The following CTNNA2 variants were observed in gnomAD, a reference collection of about 807,000 sequenced individuals.
CTNNA2 encodes the protein catenin alpha 2.
CTNNA2 carries 42 observed loss-of-function variants against 101.0 expected under a neutral mutation model. That is an observed-to-expected ratio of 0.42 (90% confidence interval 0.32 to 0.54). The LOEUF (loss-of-function observed/expected upper bound fraction) is 0.54, where lower values mean the gene tolerates loss of function less well. Ranked by LOEUF, CTNNA2 falls within the 20% of genes least tolerant of loss-of-function variation. The probability of loss-of-function intolerance (pLI) is 0.14; values close to 1 mark genes in which losing one functional copy is unlikely to be tolerated. For missense variants in CTNNA2, 871 were observed against 1,223.1 expected, an observed-to-expected ratio of 0.71 and a Z score of 4.29; for synonymous variants, 450 against 456.4, an observed-to-expected ratio of 0.99 and a Z score of 0.18.
chr2:79,544,099 G>A (rs1573302356), intron 1 of CTNNA2, among the ~76,000 whole-genome samples: 1 of 152,010 alleles, frequency 6.6e-6, no homozygotes, highest in African/African-American at 2.4e-5. Context: ...CACCACACTG[G>A]GCTAATTTTT....
At chr2:80,618,781 C>A (rs78860972) in intron 17 of CTNNA2, 11,355 of 199,474 alleles carry the variant, frequency 0.057, 426 homozygotes, top group Middle Eastern at 0.091. Flanking sequence ...GGATTCACCC[C>A]CTTTGAGCCC....
chr2:79,662,054 A>C (rs764690443), intron 2 of CTNNA2, among the ~76,000 whole-genome samples: 5 of 151,522 alleles, frequency 3.3e-5, no homozygotes, highest in Non-Finnish European at 5.9e-5. Flanking sequence ...AACATTAAAC[A>C]GACAAAGGAA....
intron 2 of CTNNA2, among the ~76,000 whole-genome samples, chr2:79,295,545 C>T (rs1387271803): frequency 1.3e-5 from 2 of 150,844 alleles, no homozygotes; most frequent in African/African-American, 4.9e-5. Flanking sequence ...TTCACCCTCT[C>T]CCTTCTTCCC....
chr2:79,776,488 T>G (rs1044972328), intron 3 of CTNNA2, among the ~76,000 whole-genome samples: 5 of 152,166 alleles, frequency 3.3e-5, no homozygotes, highest in Non-Finnish European at 7.4e-5. Context: ...GAAAAACCAC[T>G]GTATAAATCA....
At chr2:79,913,254 G>C (rs981108248) in intron 7 of CTNNA2, among the ~76,000 whole-genome samples, 4 of 152,212 alleles carry the variant, frequency 2.6e-5, no homozygotes, top group Non-Finnish European at 5.9e-5. Flanking sequence ...GATGACATTA[G>C]ATCAAAGACT....
intron 4 of CTNNA2, among the ~76,000 whole-genome samples, chr2:79,447,398 AAC>A (rs1202561313): frequency 6.6e-6 from 1 of 152,030 alleles, no homozygotes; most frequent in Non-Finnish European, 1.5e-5. Flanking sequence ...TTCCTGCAAT[AAC>A]ACAACTTTGG....
At chr2:80,552,139 A>G (rs548996902) in intron 11 of CTNNA2, among the ~76,000 whole-genome samples, 1 of 152,196 alleles carries the variant, frequency 6.6e-6, no homozygotes, top group East Asian at 1.9e-4. Flanking sequence ...TGATGCCCCA[A>G]AACAATTGCA....
chr2:79,482,612 G>T (rs1671120996), intron 4 of CTNNA2, among the ~76,000 whole-genome samples: 1 of 152,020 alleles, frequency 6.6e-6, no homozygotes, highest in South Asian at 2.1e-4. Context: ...TATTGTTCCA[G>T]TTCCTATCTC....
chr2:80,173,786 C>T (rs1326382893), intron 7 of CTNNA2, among the ~76,000 whole-genome samples: 1 of 152,110 alleles, frequency 6.6e-6, no homozygotes, highest in Non-Finnish European at 1.5e-5. Context: ...TACATGGATA[C>T]TGGACTGCAG....
chr2:80,009,920 G>T (rs183574260), intron 7 of CTNNA2, among the ~76,000 whole-genome samples: 4 of 152,280 alleles, frequency 2.6e-5, no homozygotes, highest in African/African-American at 9.6e-5. Context: ...CCTAGGTTCA[G>T]ATGTTGGCTT....
chr2:80,178,434 G>C (rs1214254757), intron 7 of CTNNA2, among the ~76,000 whole-genome samples: 1 of 152,154 alleles, frequency 6.6e-6, no homozygotes, highest in Non-Finnish European at 1.5e-5. Flanking sequence ...AAGATGACAG[G>C]GCCTTGTTCC....
Position 80,647,878 on chromosome 2 carries a change from T to C in CTNNA2, c.*6T>C, listed in dbSNP as rs778955097. 27 of 1,566,174 alleles carry C rather than the reference T, an allele frequency of 1.7e-5. No individual in the cohort carries two copies. Among genetic ancestry groups the C allele is most frequent in the South Asian group, 1.6e-4 (13 of 83,348 alleles). On this transcript the variant is annotated 3_prime_UTR_variant, in exon 19 of 19. Coordinates refer to ENST00000402739, the MANE Select transcript of CTNNA2 (RefSeq NM_001282597.3). ...AAGCAATGGATTCCTTCTAGGACGA[T>C]AGGTTTTAACAAGAAAGCTTTTTCT...
At chr2:79,626,685 G>T (rs777759100) in intron 1 of CTNNA2, among the ~76,000 whole-genome samples, 1 of 150,284 alleles carries the variant, frequency 6.7e-6, no homozygotes. Flanking sequence ...GAAAGGTGTG[G>T]GAAATGAATA....
intron 13 of CTNNA2, 63 bp downstream of exon 13, chr2:80,574,377 CTG>C: frequency 6.8e-7 from 1 of 1,465,550 alleles, no homozygotes; most frequent in East Asian, 2.4e-5. Context: ...AAAGAGCTAA[CTG>C]TCTTATTTAT....
intron 3 of CTNNA2, among the ~76,000 whole-genome samples, chr2:79,850,656 A>G (rs192899800): frequency 1.9e-3 from 286 of 152,288 alleles, no homozygotes; most frequent in African/African-American, 6.6e-3. Context: ...TTGAATGCCT[A>G]CTTCACCACT....
chr2:79,839,856 A>T (rs1434602829), intron 3 of CTNNA2, among the ~76,000 whole-genome samples: 1 of 152,064 alleles, frequency 6.6e-6, no homozygotes, highest in African/African-American at 2.4e-5. Context: ...TATTATCTGA[A>T]GTTCTTGGAT....
chr2:80,460,902 T>C (rs1356315377), intron 9 of CTNNA2, among the ~76,000 whole-genome samples: 1 of 152,200 alleles, frequency 6.6e-6, no homozygotes, highest in Non-Finnish European at 1.5e-5. Context: ...ATATCTGGGG[T>C]GGAGCCCAAT....
intron 9 of CTNNA2, among the ~76,000 whole-genome samples, chr2:80,438,421 GTTT>G (rs56189020): frequency 7.9e-5 from 12 of 151,196 alleles, no homozygotes; most frequent in South Asian, 2.1e-4. Context: ...TTGTTTGTTA[GTTT>G]TTTTGTTTTG....
chr2:79,542,034 A>G (rs1214028444), intron 1 of CTNNA2, among the ~76,000 whole-genome samples: 1 of 152,116 alleles, frequency 6.6e-6, no homozygotes, highest in African/African-American at 2.4e-5. Context: ...TGGCCTTATA[A>G]TTTCTTTTTT....
Sources: gnomAD v4.1 joint callset for allele counts (sites outside exome capture counted in the v4.1 genomes callset) on GRCh38, gnomAD v4.1.1 for gene constraint, MANE v1.5 for transcripts, NCBI Gene and HGNC (gene_info 2026-07-23, HGNC 2026-07-21) for gene names.